CPXM2: variants seen among roughly 807,000 people sequenced by gnomAD.
CPXM2 encodes carboxypeptidase X, M14 family member 2, also known as inactive carboxypeptidase-like protein X2.
CPXM2 carries 66 observed loss-of-function variants against 86.1 expected under a neutral mutation model. That is an observed-to-expected ratio of 0.77 (90% CI 0.63 to 0.94). The LOEUF (loss-of-function observed/expected upper bound fraction) is 0.94. Ranked by LOEUF, CPXM2 falls within the 40% of genes least tolerant of loss-of-function variation. The pLI, the probability that CPXM2 is intolerant of heterozygous loss-of-function variation, is 0.00. For missense variants in CPXM2, 948 were observed against 1,026.3 expected, an observed-to-expected ratio of 0.92 and a Z score of 1.04; for synonymous variants, 388 against 400.2, an observed-to-expected ratio of 0.97 and a Z score of 0.36.
intron 6 of CPXM2, among the ~76,000 whole-genome samples, chr10:123,788,804 A>G (rs894238789): frequency 2.0e-5 from 3 of 151,348 alleles, no homozygotes; most frequent in Non-Finnish European, 4.4e-5. Flanking sequence ...GCACAGCATT[A>G]TGAATGCACT....
At chr10:123,835,676 A>AAC (rs1244160778) in intron 4 of CPXM2, among the ~76,000 whole-genome samples, 1 of 152,210 alleles carries the variant, frequency 6.6e-6, no homozygotes, top group Non-Finnish European at 1.5e-5. Flanking sequence ...ACATTCTGAA[A>AAC]ACACACACAC....
chr10:123,752,051 A>T, intron 13 of CPXM2: 1 of 985,402 alleles, frequency 1.0e-6, no homozygotes, highest in Admixed American at 6.1e-5. Flanking sequence ...ACAAAGCACT[A>T]AATAGTCAAG....
At chr10:123,919,708 T>C (rs1945565778) in intron 2 of CPXM2, among the ~76,000 whole-genome samples, 1 of 152,196 alleles carries the variant, frequency 6.6e-6, no homozygotes, top group Non-Finnish European at 1.5e-5. Flanking sequence ...TCCATTTGTA[T>C]TGCAATAAAG....
intron 4 of CPXM2, among the ~76,000 whole-genome samples, chr10:123,806,595 G>A (rs1847582228): frequency 6.6e-6 from 1 of 152,162 alleles, no homozygotes; most frequent in African/African-American, 2.4e-5. Context: ...TTCTCACATT[G>A]CTATAAAGAT....
At chr10:123,782,198 C>T (rs1260559135) in intron 6 of CPXM2, among the ~76,000 whole-genome samples, 2 of 152,214 alleles carry the variant, frequency 1.3e-5, no homozygotes, top group Non-Finnish European at 2.9e-5. Context: ...GCTGCCTTCC[C>T]TTTGATTTCC....
chr10:123,762,026 G>A lies in CPXM2; in HGVS notation c.1623C>T (p.Pro541=). The change falls in exon 11 of 14, where the codon CCC becomes CCT. Residue 541 remains proline, a synonymous_variant. Coordinates refer to ENST00000241305, the MANE Select transcript of CPXM2 (RefSeq NM_198148.3). ...RSPWKTQEHT[P]TPDDHVFRWL... ...AGCGGAACACGTGGTCGTCGGGGGTGGGGGTGTGTTCCTGCGTCTTCCAGG... is the reference window on the plus strand; with the variant it reads ...AGCGGAACACGTGGTCGTCGGGGGTAGGGGTGTGTTCCTGCGTCTTCCAGG... 1 of 1,613,714 alleles carries A rather than the reference G, an allele frequency of 6.2e-7. No homozygotes were observed.
intron 2 of CPXM2, among the ~76,000 whole-genome samples, chr10:123,868,601 G>A (rs1229067027): frequency 6.6e-6 from 1 of 152,142 alleles, no homozygotes; most frequent in Non-Finnish European, 1.5e-5. Context: ...ATTGGGATCT[G>A]GAAGCCACTA....
intron 4 of CPXM2, among the ~76,000 whole-genome samples, chr10:123,803,251 C>A (rs1305357748): frequency 6.7e-6 from 1 of 150,066 alleles, no homozygotes; most frequent in Non-Finnish European, 1.5e-5. Context: ...AGGCATGCAC[C>A]ACCATACCCA....
Position 123,881,229 on chromosome 10 carries a change from T to TCCCCTCCCCTCCCCTCCCCTTCCCTCC in CPXM2, c.305-921_305-920insGGAGGGAAGGGGAGGGGAGGGGAGGGG, listed in dbSNP as rs1564811040. On this transcript the variant is annotated intron_variant, in intron 1 of 13. Transcript: ENST00000241305. ...TGTTGTTCCTTCTCCTGGAGCACCC[T>TCCCCTCCCCTCCCCTCCCCTTCCCTCC]TCTCTTCCCTTCCCTTCCCTTCCCT... Among the ~76,000 whole-genome samples the TCCCCTCCCCTCCCCTCCCCTTCCCTCC allele has an allele frequency of 1.1e-4, 10 of 89,736 alleles. 2 individuals carry two copies. The highest frequency in any genetic ancestry group is 2.1e-4 in the Non-Finnish European group (9 of 42,790). The allele number at this position is 89,736 out of a possible 152,430, so 58.9% of individuals were successfully genotyped here.
chr10:123,767,271 C>T (rs1195166231), intron 9 of CPXM2, 119 bp from the exon 10 acceptor site: 20 of 845,720 alleles, frequency 2.4e-5, no homozygotes, highest in African/African-American at 3.4e-5. Flanking sequence ...CTCTAGATGC[C>T]CTTTGACCCA....
intron 2 of CPXM2, among the ~76,000 whole-genome samples, chr10:123,867,773 T>C (rs1944820141): frequency 6.6e-6 from 1 of 152,228 alleles, no homozygotes; most frequent in African/African-American, 2.4e-5. Context: ...CCTCAGGTGA[T>C]CTGCCCGCCT....
intron 2 of CPXM2, among the ~76,000 whole-genome samples, chr10:123,928,211 A>C (rs533503925): frequency 1.3e-5 from 2 of 152,280 alleles, no homozygotes; most frequent in East Asian, 3.9e-4. Context: ...ATTCACCACA[A>C]AGATTGTCCG....
Position 123,891,469 on chromosome 10 carries a change from C to T in CPXM2, c.191G>A (p.Gly64Glu). 6.5e-7 allele frequency: 1 copy of T among 1,549,846 alleles called. No individual in the cohort carries two copies. Among genetic ancestry groups the T allele is most frequent in the Non-Finnish European group, 8.7e-7 (1 of 1,146,392 alleles). ...GCGCCGCTCCCACTCCTCCCCGGGC[C>T]CCGCAGGCAGCGGCGGAGAGAAGGT... Reference protein sequence around the residue: ...LETFSPPLPAGPGEEWERRPQ... With the variant: ...LETFSPPLPAEPGEEWERRPQ... Residue 64 changes from glycine to glutamate, a missense_variant, in exon 1 of 14, where the codon GGG becomes GAG. Gly to Glu is a moderately conservative substitution (Grantham distance 98). Coordinates refer to ENST00000241305, the MANE Select transcript of CPXM2 (RefSeq NM_198148.3). This position sits in a 1 kb window ranked among gnomAD's most constrained non-coding sequence, Gnocchi z 5.6.
intron 2 of CPXM2, chr10:123,931,381 G>A (rs1432034193): frequency 6.6e-6 from 1 of 152,226 alleles, no homozygotes; most frequent in Non-Finnish European, 1.5e-5. Flanking sequence ...CAAGCTTCAT[G>A]TTTGGAACTC....
chr10:123,859,134 C>T (rs1018877409), intron 3 of CPXM2, among the ~76,000 whole-genome samples: 1 of 152,230 alleles, frequency 6.6e-6, no homozygotes, highest in African/African-American at 2.4e-5. Flanking sequence ...TAGGCTAAAC[C>T]AGCTCACAGC....
At chr10:123,917,975 C>T (rs908240357) in intron 2 of CPXM2, among the ~76,000 whole-genome samples, 2 of 152,138 alleles carry the variant, frequency 1.3e-5, no homozygotes, top group African/African-American at 4.8e-5. Flanking sequence ...GAAATTAAAA[C>T]AGGGTGATGT....
intron 3 of CPXM2, among the ~76,000 whole-genome samples, chr10:123,846,455 G>A (rs192365284): frequency 4.1e-4 from 63 of 152,324 alleles, no homozygotes; most frequent in African/African-American, 1.4e-3. Flanking sequence ...GCCGTAATTT[G>A]AGCAATGGGG....
intron 7 of CPXM2, among the ~76,000 whole-genome samples, chr10:123,776,434 T>A (rs139399781): frequency 0.018 from 2,720 of 152,310 alleles, 38 homozygotes; most frequent in Non-Finnish European, 0.028. Flanking sequence ...ATATAGAATC[T>A]AGAGCCTCAA....
intron 4 of CPXM2, among the ~76,000 whole-genome samples, chr10:123,831,148 C>T (rs1848158734): frequency 6.6e-6 from 1 of 152,130 alleles, no homozygotes; most frequent in African/African-American, 2.4e-5. Flanking sequence ...AGAAAGCTGG[C>T]GAAATGCCAC....
Sources: gnomAD v4.1 joint callset for allele counts (sites outside exome capture counted in the v4.1 genomes callset) on GRCh38, gnomAD v4.1.1 for gene constraint, Gnocchi (gnomAD v3.1) non-coding constraint, MANE v1.5 for transcripts, NCBI Gene and HGNC (gene_info 2026-07-23, HGNC 2026-07-21) for gene names.